ABL1: variants seen among roughly 807,000 people sequenced by gnomAD.
ABL1 encodes ABL proto-oncogene 1, non-receptor tyrosine kinase, also known as tyrosine-protein kinase ABL1.
Under a neutral mutation model 94.7 loss-of-function variants are expected in ABL1, and 11 were observed. The observed-to-expected ratio is 0.12, with a 90% CI of 0.07 to 0.19. The LOEUF (loss-of-function observed/expected upper bound fraction) is 0.19. Ranked by LOEUF, ABL1 falls within the 10% of genes least tolerant of loss-of-function variation. ABL1 has a pLI of 1.00. For synonymous variants in ABL1, 656 were observed against 622.4 expected (o/e 1.05, Z -0.80); for missense variants, 1,082 against 1,489.4 (o/e 0.73, Z 4.50).
At chr9:130,845,048 A>G (rs1830742445) in intron 1 of ABL1, among the ~76,000 whole-genome samples, 1 of 152,196 alleles carries the variant, frequency 6.6e-6, no homozygotes, top group African/African-American at 2.4e-5. Context: ...AAACCTCAGC[A>G]TTCTCACAGG....
rs1831582075 is a variant in ABL1, at chr9:130,886,265, G to A, written c.*582G>A. 1.7e-5 allele frequency: 4 copies of A among 235,486 alleles called. No homozygotes were observed. Among genetic ancestry groups the A allele is most frequent in the African/African-American group, 8.8e-5 (4 of 45,372 alleles). 14.6% of individuals were successfully genotyped at this position (235,486 alleles called of 1,614,324 possible). ...TCTGCCCTCTGCTGCTGCCCGGGGTGGGGTGCACTCGCCATTTCCTCACGT... is the reference window on the plus strand; with the variant it reads ...TCTGCCCTCTGCTGCTGCCCGGGGTAGGGTGCACTCGCCATTTCCTCACGT... On this transcript the variant is annotated 3_prime_UTR_variant, in exon 11 of 11. Coordinates refer to ENST00000318560, the MANE Select transcript of ABL1 (RefSeq NM_005157.6).
chr9:130,783,464 C>T (rs868378836), intron 1 of ABL1, among the ~76,000 whole-genome samples: 8 of 152,102 alleles, frequency 5.3e-5, no homozygotes, highest in Non-Finnish European at 1.0e-4. Context: ...ATTGCAAAGT[C>T]GAGCAGTAGA....
intron 1 of ABL1, among the ~76,000 whole-genome samples, chr9:130,840,514 A>G (rs1271555818): frequency 6.6e-6 from 1 of 152,224 alleles, no homozygotes; most frequent in Non-Finnish European, 1.5e-5. Flanking sequence ...AAATAAATCA[A>G]TGGGTAGCTT....
At chr9:130,762,144 CAA>C (rs35046698) in intron 1 of ABL1, among the ~76,000 whole-genome samples, 6 of 132,370 alleles carry the variant, frequency 4.5e-5, no homozygotes, top group African/African-American at 9.2e-5. Flanking sequence ...ACTCCCAGCT[CAA>C]AAAAAAAAAA....
At position 130,802,704 on chromosome 9, in the gene ABL1, G is replaced by T. The variant is rs73656050; in HGVS notation, c.137-51360G>T. On this transcript the variant is annotated intron_variant, in intron 1 of 10. Coordinates refer to the ABL1 transcript ENST00000372348. ...TATTCCAGCATTTTGTTGATCTGCA[G>T]GTTAGACTGGCAGTTGAACTAATTT... 4.0e-3 allele frequency among the ~76,000 whole-genome samples: 602 copies of T among 152,250 alleles called. 7 individuals are homozygous for T. Among genetic ancestry groups the T allele is most frequent in the African/African-American group, 0.014 (573 of 41,538 alleles).
rs1006127268 is a variant in ABL1 at position 130,862,343 on chromosome 9, T to C, written c.550-420T>C. Reference sequence around the variant, plus strand: ...GTAATTAAGCAGATAAACAGGAAATTATGAGCTAGTAGTGGGTCCATTGCT... The same window carrying C: ...GTAATTAAGCAGATAAACAGGAAATCATGAGCTAGTAGTGGGTCCATTGCT... On this transcript the variant is annotated intron_variant, in intron 3 of 10. Coordinates refer to ENST00000318560, the MANE Select transcript of ABL1 (RefSeq NM_005157.6). This position sits in a 1 kb window ranked among gnomAD's most constrained non-coding sequence, Gnocchi z 5.5. Among the ~76,000 whole-genome samples, 2 of 152,112 alleles carry C rather than the reference T, an allele frequency of 1.3e-5. No individual in the cohort carries two copies. Among genetic ancestry groups the C allele is most frequent in the Admixed American group, 6.5e-5 (1 of 15,272 alleles).
intron 1 of ABL1, among the ~76,000 whole-genome samples, chr9:130,715,526 G>A (rs1415800090): frequency 3.3e-5 from 5 of 152,176 alleles, no homozygotes; most frequent in Non-Finnish European, 5.9e-5. Context: ...AAATCCGGGT[G>A]CTTGGATTTT....
chr9:130,756,213 C>T (rs1832039643), intron 1 of ABL1, among the ~76,000 whole-genome samples: 2 of 152,132 alleles, frequency 1.3e-5, no homozygotes, highest in Admixed American at 6.6e-5. Flanking sequence ...TTTGTTTTCT[C>T]ATTTCCCTTT....
intron 1 of ABL1, among the ~76,000 whole-genome samples, chr9:130,753,296 A>G (rs1831991653): frequency 6.6e-6 from 1 of 152,086 alleles, no homozygotes. Context: ...CTTGTGCTGC[A>G]GAGGTGAACT....
intron 1 of ABL1, among the ~76,000 whole-genome samples, chr9:130,752,839 A>ATCCC (rs1169722824): frequency 1.3e-5 from 2 of 152,102 alleles, no homozygotes; most frequent in Admixed American, 6.6e-5. Flanking sequence ...AACACCTGTA[A>ATCCC]TCCCAGCTAC....
At chr9:130,748,377 C>T (rs572164449) in intron 1 of ABL1, among the ~76,000 whole-genome samples, 1 of 152,082 alleles carries the variant, frequency 6.6e-6, no homozygotes, top group African/African-American at 2.4e-5. Flanking sequence ...TGATGACACA[C>T]CTGACTCTAA....
intron 1 of ABL1, among the ~76,000 whole-genome samples, chr9:130,828,945 C>T (rs1295350327): frequency 6.6e-6 from 1 of 151,890 alleles, no homozygotes; most frequent in Non-Finnish European, 1.5e-5. Context: ...ATATGAAAGG[C>T]CATATCATTG....
chr9:130,884,691 A>G lies in ABL1; in HGVS notation c.2401A>G (p.Ile801Val), dbSNP rs752165769. ...EEAADEVFKD[I>V]MESSPGSSPP... ...AGCTGCTGATGAGGTCTTCAAAGAC[A>G]TCATGGAGTCCAGCCCGGGCTCCAG... The change falls in exon 11 of 11, where the codon ATC (isoleucine) becomes GTC (valine). Residue 801 changes from isoleucine to valine, a missense_variant. Ile to Val is a conservative substitution (Grantham distance 29). Transcript: ENST00000318560. This position sits in a 1 kb window ranked among gnomAD's most constrained non-coding sequence, Gnocchi z 5.6. The G allele has an allele frequency of 1.2e-5, 19 of 1,612,734 alleles. No homozygotes were observed. The Admixed American group carries it at 1.8e-4, about 16-fold the overall frequency.
chr9:130,742,087 T>A (rs976509334), intron 1 of ABL1, among the ~76,000 whole-genome samples: 2 of 152,232 alleles, frequency 1.3e-5, no homozygotes. Context: ...TTTGTTGTGG[T>A]GCGAGGCTCA....
intron 1 of ABL1, among the ~76,000 whole-genome samples, chr9:130,724,585 G>A (rs1165859673): frequency 6.6e-6 from 1 of 151,424 alleles, no homozygotes; most frequent in African/African-American, 2.4e-5. Flanking sequence ...CAAGATGGGC[G>A]GATCACTTGA....
In ABL1 at chr9:130,876,733, C is replaced by CTTTT. The variant is rs755840936; in HGVS notation, c.1271-1662_1271-1659dup. 1.6e-3 allele frequency among the ~76,000 whole-genome samples: 133 copies of CTTTT among 83,188 alleles called. 7 individuals are homozygous for CTTTT. The highest frequency in any genetic ancestry group is 4.5e-3 in the African/African-American group (87 of 19,324). The allele number at this position is 83,188 out of a possible 152,430, so 54.6% of individuals were successfully genotyped here. ...ACCATGCCCTGCCACAAGTTGGTTT[C>CTTTT]TTTTTTTTTTTTTTTTTTTTTTTGA... On this transcript the variant is annotated intron_variant, in intron 7 of 10. Coordinates refer to ENST00000318560, the MANE Select transcript of ABL1 (RefSeq NM_005157.6).
At chr9:130,714,130 G>T (rs556818986) in exon 1 of ABL1, 2 of 449,082 alleles carry the variant, frequency 4.5e-6, no homozygotes, top group African/African-American at 4.0e-5. Flanking sequence ...ACTCCTGCTT[G>T]CAAGTGTCAA....
intron 1 of ABL1, among the ~76,000 whole-genome samples, chr9:130,717,736 G>C (rs558968158): frequency 5.4e-5 from 8 of 147,852 alleles, no homozygotes; most frequent in Non-Finnish European, 1.2e-4. Flanking sequence ...TGGCTAGGCC[G>C]GGCACAGTGG....
intron 1 of ABL1, among the ~76,000 whole-genome samples, chr9:130,794,988 C>T (rs563033117): frequency 6.6e-6 from 1 of 152,276 alleles, no homozygotes; most frequent in African/African-American, 2.4e-5. Context: ...CTCAAAAATA[C>T]ACCATAAATA....
Sources: allele counts gnomAD v4.1 joint callset (sites outside exome capture counted in the v4.1 genomes callset), GRCh38; gene constraint gnomAD v4.1.1; non-coding constraint Gnocchi (gnomAD v3.1); transcripts MANE v1.5; gene names NCBI Gene and HGNC (gene_info 2026-07-23, HGNC 2026-07-21).